MKNK1: variants seen among roughly 807,000 people sequenced by gnomAD.
MKNK1 encodes the protein MAP kinase-interacting serine/threonine-protein kinase 1.
Under a neutral mutation model 49.3 loss-of-function variants are expected in MKNK1, and 30 were observed. The ratio of observed to expected loss-of-function variants is 0.61; its 90% CI spans 0.46 to 0.83. MKNK1 has a LOEUF of 0.83. MKNK1 is among the 40% of genes least tolerant of loss of function. The pLI, the probability that MKNK1 is intolerant of heterozygous loss-of-function variation, is 0.00. For synonymous variants in MKNK1, 176 were observed against 201.7 expected, an observed-to-expected ratio of 0.87 and a Z score of 1.08; for missense variants, 423 against 524.7, an observed-to-expected ratio of 0.81 and a Z score of 1.89.
chr1:46,585,643 G>GC, intron 2 of MKNK1: 1 of 354,436 alleles, frequency 2.8e-6, no homozygotes, highest in Admixed American at 3.7e-5. Context: ...AAGCAAAACA[G>GC]CCAAAAGACA....
At chr1:46,600,909 T>C (rs1227104046) in intron 1 of MKNK1, among the ~76,000 whole-genome samples, 1 of 152,004 alleles carries the variant, frequency 6.6e-6, no homozygotes, top group Non-Finnish European at 1.5e-5. Flanking sequence ...ACTGACTGAT[T>C]CCTTGTGTAA....
At chr1:46,572,000 C>T in intron 7 of MKNK1, 63 bp downstream of exon 7, 1 of 1,487,314 alleles carries the variant, frequency 6.7e-7, no homozygotes, top group Non-Finnish European at 9.4e-7. Flanking sequence ...TGGCCTACCA[C>T]CTCCCTTGGT....
intron 9 of MKNK1, 106 bp from the exon 10 acceptor site, chr1:46,562,949 G>A: frequency 1.0e-6 from 1 of 985,868 alleles, no homozygotes; most frequent in East Asian, 2.8e-5. Context: ...TGGAGCAGGA[G>A]GCTGGAAGGA....
At chr1:46,598,755 C>A (rs1674379687) in intron 1 of MKNK1, among the ~76,000 whole-genome samples, 1 of 152,142 alleles carries the variant, frequency 6.6e-6, no homozygotes, top group Admixed American at 6.5e-5. Flanking sequence ...GGACTCAAAC[C>A]CAGATAGCCT....
chr1:46,558,965 T>A (rs1263950998), intron 12 of MKNK1, among the ~76,000 whole-genome samples, 165 bp from the exon 13 acceptor site: 1 of 152,212 alleles, frequency 6.6e-6, no homozygotes, highest in African/African-American at 2.4e-5. Flanking sequence ...AGGTTTGGAA[T>A]CTTTCTTGAC....
intron 1 of MKNK1, among the ~76,000 whole-genome samples, chr1:46,603,149 C>T (rs1427534075): frequency 6.6e-6 from 1 of 152,252 alleles, no homozygotes; most frequent in Non-Finnish European, 1.5e-5. Flanking sequence ...CCCTGGATTT[C>T]CTCTTCACAT....
chr1:46,567,232 T>C (rs993283344), intron 8 of MKNK1, among the ~76,000 whole-genome samples: 1 of 152,214 alleles, frequency 6.6e-6, no homozygotes, highest in Non-Finnish European at 1.5e-5. Flanking sequence ...CGTGAGCCAC[T>C]GCCTGGTCCC....
intron 1 of MKNK1, among the ~76,000 whole-genome samples, chr1:46,602,626 T>G (rs1674882442): frequency 6.6e-6 from 1 of 152,130 alleles, no homozygotes. Flanking sequence ...TAAACGTTCT[T>G]AAAACACTGA....
At chr1:46,588,589 C>T (rs1343319306) in intron 2 of MKNK1, among the ~76,000 whole-genome samples, 2 of 152,124 alleles carry the variant, frequency 1.3e-5, no homozygotes, top group Non-Finnish European at 2.9e-5. Flanking sequence ...GGGCGGATCA[C>T]GAGGTCAGGA....
intron 2 of MKNK1, among the ~76,000 whole-genome samples, chr1:46,592,317 C>T (rs561487422): frequency 6.6e-6 from 1 of 152,338 alleles, no homozygotes; most frequent in African/African-American, 2.4e-5. Context: ...TTCAGCATCA[C>T]CACCTTGACC....
At chr1:46,578,108 A>C (rs1413211354) in intron 4 of MKNK1, among the ~76,000 whole-genome samples, 1 of 152,246 alleles carries the variant, frequency 6.6e-6, no homozygotes, top group Non-Finnish European at 1.5e-5. Flanking sequence ...CAAAGTCATG[A>C]AGAACTTTCT....
chr1:46,558,767 T>TGCGAAGA lies in MKNK1; in HGVS notation c.1040_1046dup (p.Ala350LeufsTer4), dbSNP rs1471747650. On this transcript the variant is annotated frameshift_variant, in exon 13 of 13. Transcript: ENST00000371945. LOFTEE classifies it high-confidence loss of function. ...GGCGGTTAAGGGCGATGGCCTCAGCTGCGAAGAGCGTCAGGTCCATTGTGC... is the reference window on the plus strand; with the variant it reads ...GGCGGTTAAGGGCGATGGCCTCAGCTGCGAAGAGCGAAGAGCGTCAGGTCCATTGTGC... 1 of 1,614,162 alleles carries TGCGAAGA rather than the reference T, an allele frequency of 6.2e-7. No homozygotes were observed. The highest frequency in any genetic ancestry group is 2.2e-5 in the East Asian group (1 of 44,888).
chr1:46,562,961 G>T, intron 9 of MKNK1, 118 bp from the exon 10 acceptor site: 1 of 880,512 alleles, frequency 1.1e-6, no homozygotes, highest in Non-Finnish European at 1.7e-6. Flanking sequence ...CTGGAAGGAT[G>T]AGATACAGAT....
rs1667359875 is a variant in MKNK1, at chr1:46,558,576, C to T, written c.1238G>A (p.Ter413=). 6.2e-7 allele frequency: 1 copy of T among 1,604,258 alleles called. No homozygotes were observed. The highest frequency in any genetic ancestry group is 2.2e-5 in the East Asian group (1 of 44,860). ...GEDRSPPTAL[*] is the part of the protein sequence containing the mutation. Reference sequence around the variant, plus strand: ...CCTATAAGGTGTGACTGGAGCATTTCAGAGTGCTGTGGGCGGGCTCCTGTC... The same window carrying T: ...CCTATAAGGTGTGACTGGAGCATTTTAGAGTGCTGTGGGCGGGCTCCTGTC... Residue 413 remains the stop codon, a stop_retained_variant, in exon 13 of 13, where the codon TGA becomes TAA. Transcript: ENST00000371945.
intron 1 of MKNK1, among the ~76,000 whole-genome samples, chr1:46,598,317 A>G (rs1319851947): frequency 6.6e-6 from 1 of 152,166 alleles, no homozygotes; most frequent in East Asian, 1.9e-4. Flanking sequence ...AGGTGAAAAC[A>G]CAAGTCAGGT....
Position 46,585,084 on chromosome 1 carries a change from T to C in MKNK1, c.-2-1755A>G, listed in dbSNP as rs575440895. The stretch of plus-strand genomic sequence containing the variant: ...TGGCCAACATGGTGAAACCTGTCTC[T>C]ACTAAAAATACAAAAATTAGCTGGG... On this transcript the variant is annotated intron_variant, in intron 2 of 12. Coordinates refer to ENST00000371945, the MANE Select transcript of MKNK1 (RefSeq NM_001135553.4). 2.6e-4 allele frequency among the ~76,000 whole-genome samples: 40 copies of C among 151,546 alleles called. 1 individual carries two copies. The South Asian group carries it at 3.6e-3, about 13-fold the overall frequency.
chr1:46,580,755 T>C (rs1671610595), intron 3 of MKNK1, 128 bp from the exon 4 acceptor site: 1 of 621,664 alleles, frequency 1.6e-6, no homozygotes, highest in South Asian at 2.0e-5. Context: ...TAGCACTCAG[T>C]GACAAGGAAG....
intron 11 of MKNK1, 151 bp from the exon 12 acceptor site, chr1:46,560,428 C>G: frequency 1.2e-6 from 1 of 803,096 alleles, no homozygotes; most frequent in Non-Finnish European, 2.1e-6. Context: ...GCCTTCCAAG[C>G]AGAGAGCAAG....
intron 8 of MKNK1, among the ~76,000 whole-genome samples, chr1:46,565,959 C>T (rs1169155652): frequency 6.6e-6 from 1 of 151,948 alleles, no homozygotes; most frequent in Non-Finnish European, 1.5e-5. Context: ...TTCCTTTAGC[C>T]TCTTATTAGT....
Sources: allele counts gnomAD v4.1 joint callset (sites outside exome capture counted in the v4.1 genomes callset), GRCh38; gene constraint gnomAD v4.1.1; transcripts MANE v1.5; gene names NCBI Gene and HGNC (gene_info 2026-07-23, HGNC 2026-07-21).